The following RIMS2 variants were observed in gnomAD, a reference collection of about 807,000 sequenced individuals.
RIMS2 encodes the protein regulating synaptic membrane exocytosis 2.
In RIMS2, 59 loss-of-function variants were observed where a neutral mutation model predicts 174.4. That is an observed-to-expected ratio of 0.34 (90% CI 0.27 to 0.42). RIMS2 has a LOEUF of 0.42. Ranked by LOEUF, RIMS2 falls within the 10% of genes least tolerant of loss-of-function variation. RIMS2 has a pLI of 1.00. For missense variants in RIMS2, 1,620 were observed against 1,666.3 expected, an observed-to-expected ratio of 0.97 and a Z score of 0.48; for synonymous variants, 606 against 572.5, an observed-to-expected ratio of 1.06 and a Z score of -0.84.
At chr8:103,892,528 C>T (rs1424641484) in intron 4 of RIMS2, among the ~76,000 whole-genome samples, 1 of 152,012 alleles carries the variant, frequency 6.6e-6, no homozygotes, top group Non-Finnish European at 1.5e-5. Context: ...CTAAGACTTT[C>T]ACAAGTAAAA....
At chr8:103,913,169 G>A (rs202181893) in intron 6 of RIMS2, among the ~76,000 whole-genome samples, 10 of 150,294 alleles carry the variant, frequency 6.7e-5, no homozygotes, top group South Asian at 6.3e-4. Context: ...TAGTAGAGAC[G>A]GGGTTTCACC....
intron 19 of RIMS2, among the ~76,000 whole-genome samples, chr8:104,233,763 C>T (rs895105364): frequency 6.6e-6 from 1 of 152,158 alleles, no homozygotes; most frequent in African/African-American, 2.4e-5. Flanking sequence ...AGTAGGCTTA[C>T]AGTCTGTTTG....
At chr8:103,848,260 A>C (rs2098978526) in intron 3 of RIMS2, among the ~76,000 whole-genome samples, 1 of 152,114 alleles carries the variant, frequency 6.6e-6, no homozygotes, top group Non-Finnish European at 1.5e-5. Context: ...ATGAGGCTGC[A>C]GTGAAGAAGC....
At chr8:103,734,601 T>C (rs2097660513) in intron 2 of RIMS2, among the ~76,000 whole-genome samples, 1 of 151,946 alleles carries the variant, frequency 6.6e-6, no homozygotes, top group African/African-American at 2.4e-5. Flanking sequence ...GCAGGTTTTC[T>C]CTCAATTCCG....
At chr8:104,046,627 A>G (rs987252107) in intron 19 of RIMS2, among the ~76,000 whole-genome samples, 1 of 152,088 alleles carries the variant, frequency 6.6e-6, no homozygotes, top group Non-Finnish European at 1.5e-5. Flanking sequence ...CAAAATCTTC[A>G]TTATTATTAT....
In RIMS2 at chr8:103,865,246, T is replaced by C. The variant is rs2099078879; in HGVS notation, c.699-20052T>C. On this transcript the variant is annotated intron_variant, in intron 3 of 23. Coordinates refer to ENST00000504942, the Ensembl canonical transcript of RIMS2. ...TAAAATTTTTAATGAGAAATTTGAG[T>C]TTCTCTGTGAATATAACTTTTCAAT... 2.0e-5 allele frequency among the ~76,000 whole-genome samples: 3 copies of C among 151,384 alleles called. No individual in the cohort carries two copies. In the South Asian group the frequency reaches 6.2e-4, roughly 31 times the overall value.
At chr8:104,102,578 A>C (rs1439642369) in intron 19 of RIMS2, among the ~76,000 whole-genome samples, 1 of 152,216 alleles carries the variant, frequency 6.6e-6, no homozygotes, top group African/African-American at 2.4e-5. Flanking sequence ...GAAATACCTG[A>C]GACTGGATAA....
downstream of RIMS2, chr8:104,254,469 C>G (rs2099365410): frequency 6.6e-6 from 1 of 152,154 alleles, no homozygotes; most frequent in Admixed American, 6.6e-5. Context: ...CCCACACAGC[C>G]CTGAGCCTGC....
intron 11 of RIMS2, among the ~76,000 whole-genome samples, chr8:103,930,875 A>G (rs1247785947): frequency 2.0e-5 from 3 of 152,116 alleles, no homozygotes; most frequent in Non-Finnish European, 4.4e-5. Context: ...TATCTACTCA[A>G]TTCATTTTGA....
At chr8:103,737,175 C>CTTTTTTT (rs554949027) in intron 2 of RIMS2, among the ~76,000 whole-genome samples, 42 of 67,526 alleles carry the variant, frequency 6.2e-4, no homozygotes, top group Non-Finnish European at 8.3e-4. Context: ...TTTCTTTGTT[C>CTTTTTTT]TTTTTTTTTT....
At chr8:104,151,828 A>G (rs936954241) in intron 19 of RIMS2, among the ~76,000 whole-genome samples, 11 of 152,202 alleles carry the variant, frequency 7.2e-5, no homozygotes, top group African/African-American at 2.4e-4. Flanking sequence ...AAACAGCAGT[A>G]GGCCAAGACA....
intron 19 of RIMS2, among the ~76,000 whole-genome samples, chr8:104,028,150 A>ATTTTTTTTTT (rs2096297690): frequency 3.9e-5 from 6 of 151,948 alleles, no homozygotes; most frequent in African/African-American, 7.2e-5. Flanking sequence ...GATCTAAAGA[A>ATTTTTTTTTT]AGAGAACCTA....
intron 1 of RIMS2, among the ~76,000 whole-genome samples, chr8:103,572,209 C>T (rs774015841): frequency 2.6e-5 from 4 of 152,228 alleles, no homozygotes; most frequent in Middle Eastern, 3.4e-3. Context: ...AAAGGTGCCG[C>T]GGACCCAGAG....
At chr8:104,221,555 A>G (rs995661274) in intron 19 of RIMS2, among the ~76,000 whole-genome samples, 3 of 152,134 alleles carry the variant, frequency 2.0e-5, no homozygotes, top group South Asian at 2.1e-4. Flanking sequence ...GGTTTTATCA[A>G]TGTTGTTTTG....
At chr8:104,118,849 C>T (rs1015753246) in intron 19 of RIMS2, among the ~76,000 whole-genome samples, 1 of 152,094 alleles carries the variant, frequency 6.6e-6, no homozygotes, top group Admixed American at 6.6e-5. Context: ...TGTGTCTTCA[C>T]GTGGCAGAAA....
intron 1 of RIMS2, among the ~76,000 whole-genome samples, chr8:103,546,100 G>C (rs1360235955): frequency 4.6e-5 from 7 of 152,276 alleles, no homozygotes; most frequent in East Asian, 1.9e-4. Flanking sequence ...GCTGGATAAA[G>C]AAACAAGACC....
At chr8:103,942,684 A>G (rs2082808124) in intron 13 of RIMS2, 89 bp from the exon 16 acceptor site, 1 of 920,068 alleles carries the variant, frequency 1.1e-6, no homozygotes. Flanking sequence ...TTACTATTAT[A>G]ATTATTACTA....
At chr8:104,191,292 T>G (rs2511645) in intron 19 of RIMS2, among the ~76,000 whole-genome samples, 45,546 of 151,942 alleles carry the variant, frequency 0.3, 7,252 homozygotes, top group African/African-American at 0.37. Context: ...GGAGACTCTT[T>G]CACAAAATAT....
downstream of RIMS2, chr8:104,253,787 T>C (rs2099364074): frequency 6.6e-6 from 1 of 152,240 alleles, no homozygotes; most frequent in Admixed American, 6.5e-5. Context: ...ATTAAGGCCA[T>C]GCACAAATAT....
Sources: allele counts gnomAD v4.1 joint callset (sites outside exome capture counted in the v4.1 genomes callset), GRCh38; gene constraint gnomAD v4.1.1; transcripts MANE v1.5; gene names NCBI Gene and HGNC (gene_info 2026-07-23, HGNC 2026-07-21).